ACVR1B: variants seen among roughly 807,000 people sequenced by gnomAD.
ACVR1B encodes activin receptor type-1B.
ACVR1B carries 15 observed loss-of-function variants against 55.6 expected under a neutral mutation model. The observed-to-expected ratio is 0.27, with a 90% confidence interval of 0.18 to 0.42. The LOEUF (loss-of-function observed/expected upper bound fraction) is 0.42, where lower values mean the gene tolerates loss of function less well. ACVR1B is among the 10% of genes least tolerant of loss of function. The probability of loss-of-function intolerance (pLI) is 1.00; values close to 1 mark genes in which losing one functional copy is unlikely to be tolerated. For missense variants in ACVR1B, 359 were observed against 670.1 expected, an observed-to-expected ratio of 0.54 and a Z score of 5.13; for synonymous variants, 247 against 254.6, an observed-to-expected ratio of 0.97 and a Z score of 0.28.
intron 6 of ACVR1B, among the ~76,000 whole-genome samples, chr12:51,986,141 A>G (rs767351000): frequency 1.3e-5 from 2 of 152,370 alleles, no homozygotes; most frequent in Admixed American, 6.5e-5. Flanking sequence ...ACTACATTCA[A>G]TAAAGTGAAG....
chr12:51,975,287 C>T lies in ACVR1B; in HGVS notation c.114C>T (p.Ser38=), dbSNP rs2120596943. 9.3e-6 allele frequency: 15 copies of T among 1,613,300 alleles called. No individual in the cohort carries two copies. Among genetic ancestry groups the T allele is most frequent in the Non-Finnish European group, 1.3e-5 (15 of 1,179,988 alleles). The change falls in exon 2 of 9, where the codon AGC becomes AGT. Residue 38 remains serine (S), a synonymous_variant. Coordinates refer to ENST00000257963, the MANE Select transcript of ACVR1B (RefSeq NM_004302.5). ...GVQALLCACT[S]CLQANYTCET... is the part of the protein sequence containing the mutation. The stretch of plus-strand genomic sequence containing the variant: ...CAGCTCTGCTGTGTGCGTGCACCAG[C>T]TGCCTCCAGGCCAACTACACGTGTG...
At chr12:51,973,928 G>A (rs1048843583) in intron 1 of ACVR1B, among the ~76,000 whole-genome samples, 4 of 152,224 alleles carry the variant, frequency 2.6e-5, no homozygotes, top group Non-Finnish European at 5.9e-5. Context: ...TGGGCACTGA[G>A]ATATTTAGAA....
chr12:51,956,020 C>G (rs1388749075), intron 1 of ACVR1B, among the ~76,000 whole-genome samples: 1 of 152,226 alleles, frequency 6.6e-6, no homozygotes, highest in African/African-American at 2.4e-5. Context: ...TGCTCTCTCT[C>G]CTCTGTTATG....
chr12:51,965,334 G>A (rs929245641), intron 1 of ACVR1B, among the ~76,000 whole-genome samples: 4 of 152,012 alleles, frequency 2.6e-5, no homozygotes, highest in Admixed American at 1.3e-4. Flanking sequence ...GGGAAAAAAA[G>A]CTAGTAAAGA....
chr12:51,972,549 G>A (rs1410945242), intron 1 of ACVR1B, among the ~76,000 whole-genome samples: 2 of 152,180 alleles, frequency 1.3e-5, no homozygotes, highest in East Asian at 3.8e-4. Context: ...GGTTCACACA[G>A]CAACAAAATT....
chr12:51,952,763 C>T (rs1941328184), intron 1 of ACVR1B, among the ~76,000 whole-genome samples: 1 of 152,132 alleles, frequency 6.6e-6, no homozygotes, highest in East Asian at 1.9e-4. Flanking sequence ...ACTGTATTCC[C>T]GGCCCTTGGT....
chr12:51,991,919 A>G lies in ACVR1B; in HGVS notation c.1318A>G (p.Ile440Val), dbSNP rs1354901864. 1 of 1,614,054 alleles carries G rather than the reference A, an allele frequency of 6.2e-7. No homozygotes were observed. The highest frequency in any genetic ancestry group is 1.7e-5 in the Admixed American group (1 of 60,006). The part of the protein sequence containing the change: ...YYDLVPSDPS[I>V]EEMRKVVCDQ... ...CGACTTAGTGCCCTCTGACCCTTCC[A>G]TTGAGGAAATGCGAAAGGTTGTATG... is the stretch of plus-strand genomic sequence containing the variant. The change falls in exon 8 of 9, where the codon ATT (isoleucine) becomes GTT (valine). Residue 440 changes from isoleucine (I) to valine (V), a missense_variant. Physicochemically the swap from Ile to Val is conservative, Grantham distance 29 (BLOSUM62 3). Transcript: ENST00000257963.
rs1942249418 is a variant in ACVR1B at position 51,994,039 on chromosome 12, G to GC, written c.1450dup (p.Arg484ProfsTer97). The GC allele has an allele frequency of 6.2e-7, 1 of 1,613,998 alleles. No homozygotes were observed. The highest frequency in any genetic ancestry group is 1.3e-5 in the African/African-American group (1 of 74,954). On this transcript the variant is annotated frameshift_variant, in exon 9 of 9. Transcript: ENST00000257963. LOFTEE classifies it high-confidence loss of function. This position sits in a 1 kb window ranked among gnomAD's most constrained non-coding sequence, Gnocchi z 4.2. ...AGAGTGTTGGTATGCCAACGGCGCA[G>GC]CCCGCCTGACGGCCCTGCGCATCAA... is the stretch of plus-strand genomic sequence containing the variant.
intron 1 of ACVR1B, among the ~76,000 whole-genome samples, chr12:51,956,481 C>A (rs1941409789): frequency 6.6e-6 from 1 of 152,116 alleles, no homozygotes; most frequent in African/African-American, 2.4e-5. Context: ...AATAAGTAAA[C>A]ACAATTATCA....
At chr12:51,968,229 AT>A (rs1357695059) in intron 1 of ACVR1B, among the ~76,000 whole-genome samples, 2 of 152,224 alleles carry the variant, frequency 1.3e-5, no homozygotes, top group Non-Finnish European at 2.9e-5. Flanking sequence ...GCAAAACTGC[AT>A]CTCAAAAAAA....
intron 8 of ACVR1B, among the ~76,000 whole-genome samples, chr12:51,992,924 C>T (rs887026753): frequency 6.6e-6 from 1 of 152,238 alleles, no homozygotes; most frequent in Non-Finnish European, 1.5e-5. Context: ...GGGGAACAGG[C>T]TTCGCCTAGC....
intron 3 of ACVR1B, among the ~76,000 whole-genome samples, chr12:51,980,460 C>CAG (rs1941955388): frequency 6.6e-6 from 1 of 152,218 alleles, no homozygotes; most frequent in African/African-American, 2.4e-5. Context: ...CGCTTGTGAG[C>CAG]AGAGCATTGC....
chr12:51,994,570 C>G lies in ACVR1B; in HGVS notation c.*460C>G, dbSNP rs907456745. 1.1e-4 allele frequency: 17 copies of G among 160,662 alleles called. No homozygotes were observed. Among genetic ancestry groups the G allele is most frequent in the African/African-American group, 3.4e-4 (14 of 41,762 alleles). The allele number at this position is 160,662 out of a possible 1,614,324, so 10.0% of individuals were successfully genotyped here. A position where few individuals can be genotyped will look rare whatever the true frequency, so the allele number is the denominator to read the frequency against. ...AGTGCAGCCCCTCTCACAGGCAGCT[C>G]TGAGCCGCGCTTTCCCCTCCTCCCT... On this transcript the variant is annotated 3_prime_UTR_variant, in exon 9 of 9. Coordinates refer to ENST00000257963, the MANE Select transcript of ACVR1B (RefSeq NM_004302.5). The surrounding 1 kb of genome is among the most constrained non-coding windows in gnomAD (Gnocchi z 4.2).
At chr12:51,974,173 C>T (rs990556186) in intron 1 of ACVR1B, among the ~76,000 whole-genome samples, 2 of 152,140 alleles carry the variant, frequency 1.3e-5, no homozygotes, top group African/African-American at 2.4e-5. Flanking sequence ...CACCTCCACC[C>T]GCCAATGTGT....
At chr12:51,968,149 C>G (rs2120533201) in intron 1 of ACVR1B, among the ~76,000 whole-genome samples, 1 of 152,288 alleles carries the variant, frequency 6.6e-6, no homozygotes, top group South Asian at 2.1e-4. Context: ...GGCAGAATTG[C>G]TTGAACCTAG....
At chr12:51,974,946 G>A (rs975466010) in intron 1 of ACVR1B, among the ~76,000 whole-genome samples, 1 of 152,138 alleles carries the variant, frequency 6.6e-6, no homozygotes, top group Non-Finnish European at 1.5e-5. Flanking sequence ...TGCATGAAGT[G>A]GGGGGCAGCC....
At chr12:51,980,824 G>A (rs2120657228) in intron 3 of ACVR1B, 145 bp from the exon 4 acceptor site, 1 of 656,794 alleles carries the variant, frequency 1.5e-6, no homozygotes, top group Middle Eastern at 2.8e-4. Flanking sequence ...AAATGTGTAT[G>A]GGCAGCAGCA....
chr12:51,992,075 C>T lies in ACVR1B; in HGVS notation c.1392+82C>T, dbSNP rs761011393. On this transcript the variant is annotated intron_variant, in intron 8 of 8. Transcript: ENST00000257963. ...AGGGTTTCTTGACAATGGGGTCAGG[C>T]CCCAGAGGAGCCCCCTGAGAGTGTC... is the stretch of plus-strand genomic sequence containing the variant. 3.2e-6 allele frequency: 5 copies of T among 1,574,452 alleles called. No homozygotes were observed. In the South Asian group the frequency reaches 3.3e-5, roughly 11 times the overall value.
At chr12:51,964,150 T>C (rs931976511) in intron 1 of ACVR1B, among the ~76,000 whole-genome samples, 2 of 152,220 alleles carry the variant, frequency 1.3e-5, no homozygotes, top group African/African-American at 4.8e-5. Flanking sequence ...TTAAAAATTA[T>C]GTTTTTTAGA....
Sources: allele counts gnomAD v4.1 joint callset (sites outside exome capture counted in the v4.1 genomes callset), GRCh38; gene constraint gnomAD v4.1.1; non-coding constraint Gnocchi (gnomAD v3.1); transcripts MANE v1.5; gene names NCBI Gene and HGNC (gene_info 2026-07-23, HGNC 2026-07-21).